SNX8: variants seen among roughly 807,000 people sequenced by gnomAD.
The protein encoded by SNX8 is sorting nexin-8.
A neutral mutation model predicts 51.6 loss-of-function variants in SNX8; 25 were observed. The ratio of observed to expected loss-of-function variants is 0.48; its 90% CI spans 0.35 to 0.68. The LOEUF (loss-of-function observed/expected upper bound fraction) is 0.68, where lower values mean the gene tolerates loss of function less well. Ranked by LOEUF, SNX8 falls within the 30% of genes least tolerant of loss-of-function variation. The pLI, the probability that SNX8 is intolerant of heterozygous loss-of-function variation, is 0.00. For synonymous variants in SNX8, 324 were observed against 277.0 expected, an observed-to-expected ratio of 1.17 and a Z score of -1.68; for missense variants, 695 against 624.0, an observed-to-expected ratio of 1.11 and a Z score of -1.21.
intron 1 of SNX8, among the ~76,000 whole-genome samples, chr7:2,340,106 AG>A (rs1443029439): frequency 5.9e-5 from 9 of 151,664 alleles, no homozygotes; most frequent in Middle Eastern, 6.8e-3. Flanking sequence ...TCTTATTGTC[AG>A]GCTGGAGTGC....
intron 1 of SNX8, among the ~76,000 whole-genome samples, chr7:2,291,715 C>T (rs918152806): frequency 1.3e-4 from 20 of 152,182 alleles, no homozygotes; most frequent in African/African-American, 4.8e-4. Context: ...CAGTTCAAAC[C>T]CCACTTCAAC....
chr7:2,316,241 ATT>A, upstream of SNX8, among the ~76,000 whole-genome samples: 1 of 146,198 alleles, frequency 6.8e-6, no homozygotes. Flanking sequence ...GCATTCATTC[ATT>A]CACCCACTCA....
intron 1 of SNX8, among the ~76,000 whole-genome samples, chr7:2,281,523 C>T (rs1056868750): frequency 1.3e-5 from 2 of 152,110 alleles, no homozygotes; most frequent in African/African-American, 2.4e-5. Context: ...AGGAGGAGCC[C>T]GGCTTTCTGC....
intron 1 of SNX8, among the ~76,000 whole-genome samples, chr7:2,313,643 G>A (rs1193990908): frequency 6.6e-6 from 1 of 151,364 alleles, no homozygotes; most frequent in African/African-American, 2.4e-5. Flanking sequence ...CAGGAGGACC[G>A]CTTGAGGCCA....
At position 2,261,446 on chromosome 7, in the gene SNX8, A is replaced by C. The variant is rs376881038; in HGVS notation, c.915+1784T>G. On this transcript the variant is annotated intron_variant, in intron 7 of 10. Coordinates refer to ENST00000222990, the MANE Select transcript of SNX8 (RefSeq NM_013321.4). ...AGACTCCGTCTCAAAAACAAACAAA[A>C]AAAAGAAATAGCTGTTTTAATAATC... 5.9e-5 allele frequency among the ~76,000 whole-genome samples: 9 copies of C among 152,342 alleles called. No individual in the cohort carries two copies. In the South Asian group the frequency reaches 6.2e-4, roughly 11 times the overall value.
intron 1 of SNX8, chr7:2,309,890 G>A (rs1173354262): frequency 2.1e-6 from 1 of 470,818 alleles, no homozygotes; most frequent in Non-Finnish European, 4.4e-6. Flanking sequence ...AAGGCTCGGG[G>A]CAGGGGTGAA....
intron 1 of SNX8, among the ~76,000 whole-genome samples, chr7:2,325,073 C>T (rs1043134299): frequency 1.1e-4 from 16 of 152,214 alleles, no homozygotes; most frequent in Non-Finnish European, 1.8e-4. Context: ...CTCAAGCTAT[C>T]CTCCTGACTT....
rs574177322 is a variant in SNX8 at position 2,304,341 on chromosome 7, G to A, written c.94+9987C>T. Among the ~76,000 whole-genome samples, 77 of 151,558 alleles carry A rather than the reference G, an allele frequency of 5.1e-4. 1 individual carries two copies. The East Asian group carries it at 0.011, about 21-fold the overall frequency. ...GGGCAGATCACGAGGTCAGGAGATA[G>A]AGACCATCCTGGCTAACAGGGTGAA... On this transcript the variant is annotated intron_variant, in intron 1 of 10. Coordinates refer to ENST00000222990, the MANE Select transcript of SNX8 (RefSeq NM_013321.4).
chr7:2,327,764 T>C (rs371535182), intron 1 of SNX8, among the ~76,000 whole-genome samples: 5 of 149,058 alleles, frequency 3.4e-5, no homozygotes, highest in Admixed American at 2.0e-4. Context: ...GGATGGTCTC[T>C]ATCTCCTGAC....
chr7:2,311,447 G>A lies in SNX8; in HGVS notation c.94+2881C>T, dbSNP rs140118794. Among the ~76,000 whole-genome samples the A allele has an allele frequency of 1.2e-3, 178 of 152,112 alleles. 1 individual carries two copies. The highest frequency in any genetic ancestry group is 3.8e-3 in the African/African-American group (157 of 41,494). On this transcript the variant is annotated intron_variant, in intron 1 of 10. Transcript: ENST00000222990. ...TACGTTGTCCAGGCTGGTCTCTAGC[G>A]CCTGGGCTCGGGCGATCCTCCCTCC...
intron 1 of SNX8, among the ~76,000 whole-genome samples, chr7:2,336,210 T>C (rs937116974): frequency 7.9e-5 from 12 of 150,964 alleles, no homozygotes; most frequent in African/African-American, 2.7e-4. Flanking sequence ...GAGACCAGCC[T>C]GACCAACATG....
intron 5 of SNX8, among the ~76,000 whole-genome samples, chr7:2,268,636 G>A (rs1795554928): frequency 8.5e-6 from 1 of 118,084 alleles, no homozygotes; most frequent in Non-Finnish European, 1.8e-5. Flanking sequence ...CGCCCCGTCT[G>A]GGAGGTGAGG....
intron 1 of SNX8, among the ~76,000 whole-genome samples, chr7:2,306,494 T>C (rs1796548301): frequency 1.3e-5 from 2 of 152,338 alleles, no homozygotes; most frequent in South Asian, 4.1e-4. Flanking sequence ...CTGAAATTTT[T>C]TTTAACTGAA....
chr7:2,303,824 C>T lies in SNX8; in HGVS notation c.94+10504G>A, dbSNP rs1029937117. The stretch of plus-strand genomic sequence containing the variant: ...CAGGGACACAAACACTGTGGAAGGC[C>T]GCAGGGTCCTCTGCCTAGGAAAACC... On this transcript the variant is annotated intron_variant, in intron 1 of 10. Coordinates refer to ENST00000222990, the MANE Select transcript of SNX8 (RefSeq NM_013321.4). 7.2e-5 allele frequency among the ~76,000 whole-genome samples: 11 copies of T among 152,050 alleles called. No homozygotes were observed. The East Asian group carries it at 1.4e-3, about 19-fold the overall frequency.
At chr7:2,306,462 CAT>C (rs1291641841) in intron 1 of SNX8, among the ~76,000 whole-genome samples, 4 of 152,154 alleles carry the variant, frequency 2.6e-5, no homozygotes, top group East Asian at 1.9e-4. Context: ...TTCTGGAAAA[CAT>C]GTGGCAAGAA....
intron 1 of SNX8, 70 bp downstream of exon 1, chr7:2,314,258 C>T (rs1216713977): frequency 1.7e-6 from 2 of 1,209,244 alleles, no homozygotes; most frequent in Admixed American, 4.4e-5. Flanking sequence ...GGCGGCTGAG[C>T]CCCGTCCGCC....
intron 1 of SNX8, among the ~76,000 whole-genome samples, chr7:2,291,319 C>T (rs1001579371): frequency 6.6e-6 from 1 of 151,798 alleles, no homozygotes; most frequent in Non-Finnish European, 1.5e-5. Flanking sequence ...GAAACTAGGC[C>T]GGATGTGGTG....
At chr7:2,255,562 A>C (rs966543824) in intron 10 of SNX8, among the ~76,000 whole-genome samples, 1 of 152,146 alleles carries the variant, frequency 6.6e-6, no homozygotes, top group African/African-American at 2.4e-5. Flanking sequence ...ACACACGGAC[A>C]CCCTGTCTCC....
At chr7:2,281,873 C>T (rs1795914387) in intron 1 of SNX8, among the ~76,000 whole-genome samples, 1 of 152,184 alleles carries the variant, frequency 6.6e-6, no homozygotes, top group South Asian at 2.1e-4. Flanking sequence ...CTGGCCATCG[C>T]CATCTATGCC....
Sources: gnomAD v4.1 joint callset for allele counts (sites outside exome capture counted in the v4.1 genomes callset) on GRCh38, gnomAD v4.1.1 for gene constraint, MANE v1.5 for transcripts, NCBI Gene and HGNC (gene_info 2026-07-23, HGNC 2026-07-21) for gene names.